The following BICDL1 variants were observed in gnomAD, a reference collection of about 807,000 sequenced individuals.
BICDL1 encodes the protein BICD family-like cargo adapter 1.
Under a neutral mutation model 76.8 loss-of-function variants are expected in BICDL1, and 20 were observed. That is an observed-to-expected ratio of 0.26 (90% CI 0.18 to 0.38). BICDL1 has a LOEUF of 0.38. Among genes scored for constraint, BICDL1 ranks in the 10% least tolerant of loss-of-function variants. The probability of loss-of-function intolerance (pLI) is 1.00; values close to 1 mark genes in which losing one functional copy is unlikely to be tolerated. For missense variants in BICDL1, 700 were observed against 798.6 expected, an observed-to-expected ratio of 0.88 and a Z score of 1.49; for synonymous variants, 383 against 337.1, an observed-to-expected ratio of 1.14 and a Z score of -1.49.
At position 120,071,394 on chromosome 12, in the gene BICDL1, G is replaced by T. The variant is rs1047753737; in HGVS notation, c.910-228G>T. On this transcript the variant is annotated intron_variant, in intron 4 of 9. Coordinates refer to ENST00000548673, the MANE Select transcript of BICDL1 (RefSeq NM_001367886.1). The surrounding 1 kb of genome is among the most constrained non-coding windows in gnomAD (Gnocchi z 4.8). Reference sequence around the variant, plus strand: ...TGACCTTAGGTGATCTGCCCGCCTCGGCCTCCCAAAGTGCTGGGATTACAG... The same window carrying T: ...TGACCTTAGGTGATCTGCCCGCCTCTGCCTCCCAAAGTGCTGGGATTACAG... Among the ~76,000 whole-genome samples the T allele has an allele frequency of 6.6e-6, 1 of 151,988 alleles. No individual in the cohort carries two copies. Among genetic ancestry groups the T allele is most frequent in the African/African-American group, 2.4e-5 (1 of 41,374 alleles).
chr12:120,052,915 G>T (rs1365776712), intron 2 of BICDL1, among the ~76,000 whole-genome samples: 1 of 151,970 alleles, frequency 6.6e-6, no homozygotes, highest in Admixed American at 6.6e-5. Context: ...GGGCACTACG[G>T]ACTACAGGCA....
chr12:120,049,780 T>G (rs1952817775), intron 2 of BICDL1, among the ~76,000 whole-genome samples: 1 of 152,248 alleles, frequency 6.6e-6, no homozygotes, highest in African/African-American at 2.4e-5. Flanking sequence ...TATTGTAGTG[T>G]AGATAATTCC....
At chr12:120,025,302 G>A (rs1363339803) in intron 2 of BICDL1, among the ~76,000 whole-genome samples, 4 of 151,998 alleles carry the variant, frequency 2.6e-5, no homozygotes, top group African/African-American at 4.8e-5. Flanking sequence ...CGCCCTCCTT[G>A]GCCTCCCAAA....
intron 2 of BICDL1, among the ~76,000 whole-genome samples, chr12:120,042,182 C>G (rs1170564286): frequency 6.6e-6 from 1 of 152,046 alleles, no homozygotes; most frequent in East Asian, 1.9e-4. Context: ...TCTCATATAG[C>G]ACCTATTATA....
At chr12:120,012,136 C>T (rs1018335266) in intron 2 of BICDL1, among the ~76,000 whole-genome samples, 1 of 152,138 alleles carries the variant, frequency 6.6e-6, no homozygotes, top group African/African-American at 2.4e-5. Flanking sequence ...GGCGGCTTCT[C>T]CTCTCACCCA....
chr12:119,990,444 A>T, intron 1 of BICDL1, 147 bp downstream of exon 1: 1 of 1,429,260 alleles, frequency 7.0e-7, no homozygotes, highest in South Asian at 1.4e-5. Context: ...GGGAGGATGG[A>T]GGATTATCAG....
chr12:120,051,137 A>T (rs1952851229), intron 2 of BICDL1, among the ~76,000 whole-genome samples: 2 of 147,080 alleles, frequency 1.4e-5, no homozygotes, highest in African/African-American at 2.5e-5. Context: ...AACCTCCACC[A>T]CCCGGGTTCA....
Position 120,064,801 on chromosome 12 carries a change from C to A in BICDL1, c.831C>A (p.Asp277Glu), listed in dbSNP as rs953284432. Residue 277 changes from aspartate to glutamate, a missense_variant, in exon 4 of 10, where the codon GAC (aspartate) becomes GAA (glutamate). Physicochemically the swap from Asp to Glu is conservative, Grantham distance 45. Transcript: ENST00000548673. ...TCAGCGCTACTTTAGAGGAAAATGA[C>A]CTGCTCCAAGGGACCGTGGAGGAGC... is the stretch of plus-strand genomic sequence containing the variant. ...HRLSATLEEN[D>E]LLQGTVEELQ... is the part of the protein sequence containing the mutation. 6.2e-7 allele frequency: 1 copy of A among 1,613,684 alleles called. No individual in the cohort carries two copies. Among genetic ancestry groups the A allele is most frequent in the Non-Finnish European group, 8.5e-7 (1 of 1,179,872 alleles).
chr12:120,009,154 A>G (rs1476736335), intron 2 of BICDL1, among the ~76,000 whole-genome samples: 4 of 151,928 alleles, frequency 2.6e-5, no homozygotes, highest in Admixed American at 1.3e-4. Context: ...CACCCAGCTA[A>G]TTTTTGTATT....
At chr12:120,091,446 C>T (rs1288999185) in intron 9 of BICDL1, 32 of 1,001,260 alleles carry the variant, frequency 3.2e-5, no homozygotes, top group South Asian at 4.2e-5. Flanking sequence ...TTGGATTTAG[C>T]GTAGATTTTA....
At position 119,989,797 on chromosome 12, in the gene BICDL1, A is replaced by G; in HGVS notation, c.-72A>G. ...GGCGCGGGACGCGGGGCGGCGCGGCAGGGCCCCTCCCCCCTGCAGCCTGGC... is the reference window on the plus strand; with the variant it reads ...GGCGCGGGACGCGGGGCGGCGCGGCGGGGCCCCTCCCCCCTGCAGCCTGGC... On this transcript the variant is annotated 5_prime_UTR_variant, in exon 1 of 10. Transcript: ENST00000548673. The G allele has an allele frequency of 1.5e-5, 10 of 659,346 alleles. No homozygotes were observed. The highest frequency in any genetic ancestry group is 1.9e-5 in the Non-Finnish European group (10 of 531,026). 40.8% of individuals were successfully genotyped at this position (659,346 alleles called of 1,614,324 possible). A position where few individuals can be genotyped will look rare whatever the true frequency, so the allele number is the denominator to read the frequency against.
chr12:119,996,672 A>C (rs1951652522), intron 1 of BICDL1, among the ~76,000 whole-genome samples: 2 of 130,954 alleles, frequency 1.5e-5, no homozygotes, highest in African/African-American at 7.3e-5. Context: ...GTATATATAC[A>C]TATACAGATA....
At chr12:120,012,805 T>TG (rs1951980210) in intron 2 of BICDL1, among the ~76,000 whole-genome samples, 1 of 152,200 alleles carries the variant, frequency 6.6e-6, no homozygotes, top group Non-Finnish European at 1.5e-5. Context: ...GGAAAGCCTT[T>TG]ATTCCATTAT....
intron 8 of BICDL1, among the ~76,000 whole-genome samples, chr12:120,083,071 C>T (rs1874115737): frequency 6.6e-6 from 1 of 151,488 alleles, no homozygotes; most frequent in Non-Finnish European, 1.5e-5. Flanking sequence ...CCATGTTGGC[C>T]AGGCTACTCT....
chr12:120,053,893 C>G (rs536567863), intron 2 of BICDL1, among the ~76,000 whole-genome samples: 4 of 152,126 alleles, frequency 2.6e-5, no homozygotes, highest in South Asian at 4.1e-4. Flanking sequence ...AACTGTAAGG[C>G]CAGGTGCAGT....
intron 2 of BICDL1, among the ~76,000 whole-genome samples, chr12:120,007,963 T>C (rs184901172): frequency 2.0e-5 from 3 of 152,292 alleles, no homozygotes; most frequent in Admixed American, 1.3e-4. Context: ...ATTTGTTTTT[T>C]TCTTAAAAGT....
Position 120,079,004 on chromosome 12 carries a change from T to C in BICDL1, c.1453-1883T>C, listed in dbSNP as rs1873773290. Among the ~76,000 whole-genome samples, 1 of 152,216 alleles carries C rather than the reference T, an allele frequency of 6.6e-6. No homozygotes were observed. Among genetic ancestry groups the C allele is most frequent in the South Asian group, 2.1e-4 (1 of 4,836 alleles). The stretch of plus-strand genomic sequence containing the variant: ...GAGGCTGGGCTCTGCCCTGGTGCCT[T>C]GTCTGCCTCGGGGCTAGATGCATGT... On this transcript the variant is annotated intron_variant, in intron 7 of 9. Coordinates refer to ENST00000548673, the MANE Select transcript of BICDL1 (RefSeq NM_001367886.1). The surrounding 1 kb of genome is among the most constrained non-coding windows in gnomAD (Gnocchi z 4.3).
At chr12:119,998,871 A>T in intron 2 of BICDL1, 135 bp downstream of exon 2, 2 of 764,744 alleles carry the variant, frequency 2.6e-6, no homozygotes, top group South Asian at 3.8e-5. Flanking sequence ...TCTGGGCAAC[A>T]CAGGGAGACC....
chr12:120,008,841 C>G (rs1482715501), intron 2 of BICDL1, among the ~76,000 whole-genome samples: 2 of 151,990 alleles, frequency 1.3e-5, no homozygotes, highest in African/African-American at 2.4e-5. Context: ...CATAGGAGCT[C>G]TCTTCTGTGA....
Sources: gnomAD v4.1 joint callset for allele counts (sites outside exome capture counted in the v4.1 genomes callset) on GRCh38, gnomAD v4.1.1 for gene constraint, Gnocchi (gnomAD v3.1) non-coding constraint, MANE v1.5 for transcripts, NCBI Gene and HGNC (gene_info 2026-07-23, HGNC 2026-07-21) for gene names.